Variants in TRPM8 observed in about 807,000 individuals in gnomAD.
The protein encoded by TRPM8 is TRPM8 cationic channel.
In TRPM8, 110 loss-of-function variants were observed where a neutral mutation model predicts 133.7. The ratio of observed to expected loss-of-function variants is 0.82; its 90% CI spans 0.70 to 0.96. TRPM8 has a LOEUF of 0.96. TRPM8 is among the 40% of genes least tolerant of loss of function. TRPM8 has a pLI of 0.00. For synonymous variants in TRPM8, 535 were observed against 532.3 expected (o/e 1.01, Z -0.07); for missense variants, 1,291 against 1,379.5 (o/e 0.94, Z 1.02).
At chr2:233,924,818 T>C (rs1034335480) in intron 1 of TRPM8, among the ~76,000 whole-genome samples, 3 of 152,244 alleles carry the variant, frequency 2.0e-5, no homozygotes, top group Admixed American at 6.5e-5. Flanking sequence ...AGCAGTTTGC[T>C]GTAAGGGAAT....
chr2:233,958,931 T>A (rs1308930066), intron 11 of TRPM8, among the ~76,000 whole-genome samples: 4 of 149,630 alleles, frequency 2.7e-5, no homozygotes, highest in Non-Finnish European at 5.9e-5. Flanking sequence ...CTGTGGGGAG[T>A]TGGAGAGCCA....
Position 233,926,569 on chromosome 2 carries a change from G to A in TRPM8, c.32G>A (p.Arg11Lys), listed in dbSNP as rs1434711135. The change falls in exon 2 of 26, where the codon AGG becomes AAG. Residue 11 changes from arginine to lysine, a missense_variant. Around this residue, in one of 2 missense-constraint regions of TRPM8, gnomAD observed 963 missense variants for 968.9 expected, o/e 0.99. Coordinates refer to ENST00000324695, the MANE Select transcript of TRPM8 (RefSeq NM_024080.5). MSFRAARLSM[R>K]NRRNDTLDST... ...TTTCGGGCAGCCAGGCTCAGCATGA[G>A]GAACAGAAGGAATGACACTCTGGAC... The A allele has an allele frequency of 3.1e-6, 5 of 1,613,964 alleles. No homozygotes were observed. The Admixed American group carries it at 8.3e-5, about 27-fold the overall frequency.
chr2:233,933,167 G>A (rs1346883633), intron 3 of TRPM8, among the ~76,000 whole-genome samples: 2 of 151,942 alleles, frequency 1.3e-5, no homozygotes, highest in Non-Finnish European at 2.9e-5. Flanking sequence ...TGGCCATGCT[G>A]GGTTCCAGGT....
Position 233,964,507 on chromosome 2 carries a change from G to A in TRPM8, c.1750-121G>A, listed in dbSNP as rs566639803. 22 of 856,494 alleles carry A rather than the reference G, an allele frequency of 2.6e-5. No homozygotes were observed. In the South Asian group the frequency reaches 3.5e-4, roughly 14 times the overall value. 53.1% of individuals were successfully genotyped at this position (856,494 alleles called of 1,614,324 possible). On this transcript the variant is annotated intron_variant, in intron 13 of 25. Transcript: ENST00000324695. ...GTGGAGGTTGCAGTGAGCCAAGATC[G>A]TGCCACAGCACTCCAGCCTGGGTCA...
intron 25 of TRPM8, 98 bp from the exon 26 acceptor site, chr2:234,017,201 A>C (rs531608877): frequency 4.8e-6 from 2 of 413,928 alleles, no homozygotes; most frequent in East Asian, 1.5e-4. Context: ...ATCTATTCCC[A>C]GTATATTCCC....
Position 233,983,102 on chromosome 2 carries a change from C to T in TRPM8, c.2639C>T (p.Ala880Val). 1 of 1,614,132 alleles carries T rather than the reference C, an allele frequency of 6.2e-7. No homozygotes were observed. Among genetic ancestry groups the T allele is most frequent in the African/African-American group, 1.3e-5 (1 of 75,022 alleles). The change falls in exon 20 of 26, where the codon GCC becomes GTC. Residue 880 changes from alanine (A) to valine (V), a missense_variant. By Grantham distance (64) the Ala-to-Val change is moderately conservative. Transcript: ENST00000324695. ...TTCCTCTTTGCGGTGTGGATGGTGG[C>T]CTTTGGCGTGGCCAGGCAAGGGATC... ...FLFLFAVWMVAFGVARQGILR... is the reference protein window; with the variant it reads ...FLFLFAVWMVVFGVARQGILR...
At position 233,926,575 on chromosome 2, in the gene TRPM8, G is replaced by A. The variant is rs1375570418; in HGVS notation, c.38G>A (p.Arg13Lys). 6.2e-7 allele frequency: 1 copy of A among 1,614,156 alleles called. No individual in the cohort carries two copies. Among genetic ancestry groups the A allele is most frequent in the Admixed American group, 1.7e-5 (1 of 60,020 alleles). Residue 13 changes from arginine (R) to lysine (K), a missense_variant, in exon 2 of 26, where the codon AGA (arginine) becomes AAA (lysine). Around this residue, in one of 2 missense-constraint regions of TRPM8, gnomAD observed 963 missense variants for 968.9 expected, o/e 0.99. Coordinates refer to ENST00000324695, the MANE Select transcript of TRPM8 (RefSeq NM_024080.5). ...FRAARLSMRNRRNDTLDSTRT... is the reference protein window; with the variant it reads ...FRAARLSMRNKRNDTLDSTRT... ...GCAGCCAGGCTCAGCATGAGGAACA[G>A]AAGGAATGACACTCTGGACAGCACC...
intron 21 of TRPM8, among the ~76,000 whole-genome samples, chr2:233,994,916 G>T (rs1243901323): frequency 4.6e-5 from 7 of 152,186 alleles, no homozygotes. Context: ...TGTCTTGGAT[G>T]GTTGAACTTT....
intron 22 of TRPM8, among the ~76,000 whole-genome samples, chr2:233,997,412 G>C (rs1692436764): frequency 1.3e-5 from 2 of 152,310 alleles, no homozygotes; most frequent in South Asian, 4.1e-4. Flanking sequence ...GCAGTGGGCT[G>C]TTCCCTCTCT....
intron 1 of TRPM8, among the ~76,000 whole-genome samples, chr2:233,921,968 C>T (rs911746721): frequency 8.6e-5 from 13 of 151,800 alleles, no homozygotes; most frequent in Non-Finnish European, 1.2e-4. Flanking sequence ...CCACCATGCC[C>T]GGCCAGAAAC....
At chr2:233,927,734 CTTTCT>C (rs1691551949) in intron 2 of TRPM8, among the ~76,000 whole-genome samples, 2 of 55,594 alleles carry the variant, frequency 3.6e-5, no homozygotes, top group Non-Finnish European at 5.4e-5. Context: ...TTCTTTCTTT[CTTTCT>C]TTCTTTCTTT....
At chr2:233,967,031 G>T (rs889481231) in intron 15 of TRPM8, among the ~76,000 whole-genome samples, 1 of 152,190 alleles carries the variant, frequency 6.6e-6, no homozygotes, top group Non-Finnish European at 1.5e-5. Context: ...GGATCCCACT[G>T]CCTGGGTCTC....
At chr2:233,986,191 A>G (rs978311305) in intron 21 of TRPM8, among the ~76,000 whole-genome samples, 1 of 152,338 alleles carries the variant, frequency 6.6e-6, no homozygotes, top group Middle Eastern at 3.4e-3. Context: ...ACGGAAATGT[A>G]GTTTAACTCA....
chr2:233,999,307 TC>T (rs1692489150), intron 22 of TRPM8, among the ~76,000 whole-genome samples: 1 of 151,094 alleles, frequency 6.6e-6, no homozygotes. Context: ...AGTCTCAGTG[TC>T]ACCACACATA....
At chr2:233,974,477 C>T (rs1345046518) in intron 17 of TRPM8, among the ~76,000 whole-genome samples, 1 of 152,166 alleles carries the variant, frequency 6.6e-6, no homozygotes, top group Admixed American at 6.5e-5. Flanking sequence ...TGTGATCCAC[C>T]CACCTCGGCC....
At chr2:233,993,234 A>G (rs2125335781) in intron 21 of TRPM8, among the ~76,000 whole-genome samples, 1 of 152,334 alleles carries the variant, frequency 6.6e-6, no homozygotes, top group Middle Eastern at 3.4e-3. Flanking sequence ...CTGGGAAAGC[A>G]TTGCTGCTCA....
chr2:233,924,014 T>C (rs1316883377), intron 1 of TRPM8, among the ~76,000 whole-genome samples: 3 of 149,760 alleles, frequency 2.0e-5, no homozygotes, highest in Non-Finnish European at 3.0e-5. Context: ...ATCAAAACTC[T>C]AATAAAAACA....
At chr2:234,015,720 T>C (rs1049041927) in intron 25 of TRPM8, among the ~76,000 whole-genome samples, 2 of 152,254 alleles carry the variant, frequency 1.3e-5, no homozygotes, top group Non-Finnish European at 2.9e-5. Flanking sequence ...GCACATTTGA[T>C]GTAATCTGAA....
chr2:233,965,260 G>A (rs747352799), intron 14 of TRPM8, among the ~76,000 whole-genome samples: 8 of 152,178 alleles, frequency 5.3e-5, no homozygotes, highest in Non-Finnish European at 8.8e-5. Context: ...CCTTGCCTCG[G>A]TTCCCAAGGG....
Sources: gnomAD v4.1 joint callset for allele counts (sites outside exome capture counted in the v4.1 genomes callset) on GRCh38, gnomAD v4.1.1 for gene constraint, gnomAD v4.1.1 regional missense constraint, MANE v1.5 for transcripts, NCBI Gene and HGNC (gene_info 2026-07-23, HGNC 2026-07-21) for gene names.